DHX8: variants seen among roughly 807,000 people sequenced by gnomAD.
The protein encoded by DHX8 is ATP-dependent RNA helicase DHX8.
DHX8 carries 67 observed loss-of-function variants against 140.7 expected under a neutral mutation model. The ratio of observed to expected loss-of-function variants is 0.48; its 90% confidence interval spans 0.39 to 0.58. DHX8 has a LOEUF of 0.58. DHX8 is among the 20% of genes least tolerant of loss of function. The probability of loss-of-function intolerance (pLI) is 0.00; values close to 1 mark genes in which losing one functional copy is unlikely to be tolerated. For synonymous variants in DHX8, 533 were observed against 553.2 expected (o/e 0.96, Z 0.51); for missense variants, 887 against 1,550.7 (o/e 0.57, Z 7.19).
Position 43,524,253 on chromosome 17 carries a change from A to G in DHX8, c.*406A>G. On this transcript the variant is annotated 3_prime_UTR_variant, in exon 23 of 23. Transcript: ENST00000262415. ...ATCTAAAGTGTTTGCCCCACTTCCC[A>G]CCCCGTCTCCAGCCCCTGTACTTTG... 9.8e-7 allele frequency: 1 copy of G among 1,023,414 alleles called. No homozygotes were observed. 63.4% of individuals were successfully genotyped at this position (1,023,414 alleles called of 1,614,324 possible).
At chr17:43,529,634 G>A (rs141569304), downstream of DHX8, 125 of 1,613,886 alleles carry the variant, frequency 7.7e-5, no homozygotes, top group African/African-American at 8.5e-4. Context: ...CTGGTAGGGC[G>A]GCCCCTCTCG....
intron 8 of DHX8, among the ~76,000 whole-genome samples, 165 bp downstream of exon 8, chr17:43,494,051 A>G (rs554908541): frequency 6.6e-6 from 1 of 152,206 alleles, no homozygotes; most frequent in African/African-American, 2.4e-5. Flanking sequence ...TTTACTAAAG[A>G]AAGAGGTTTA....
At chr17:43,514,299 A>G (rs903872633) in intron 17 of DHX8, among the ~76,000 whole-genome samples, 12 of 152,158 alleles carry the variant, frequency 7.9e-5, no homozygotes, top group Admixed American at 7.2e-4. Context: ...GAGCTAAGAT[A>G]GCATCACTGC....
downstream of DHX8, chr17:43,529,925 G>A (rs780030889): frequency 1.2e-6 from 2 of 1,614,186 alleles, no homozygotes; most frequent in Non-Finnish European, 1.7e-6. Flanking sequence ...ATCTGGGAAT[G>A]GTCGCAGAGG....
At chr17:43,502,310 T>C (rs1969239585) in intron 11 of DHX8, among the ~76,000 whole-genome samples, 1 of 152,214 alleles carries the variant, frequency 6.6e-6, no homozygotes, top group Non-Finnish European at 1.5e-5. Flanking sequence ...CCCAACACTT[T>C]GGGAGGCCGA....
intron 8 of DHX8, among the ~76,000 whole-genome samples, chr17:43,494,720 CAAAAAA>C (rs572905119): frequency 1.7e-5 from 1 of 57,870 alleles, no homozygotes. Context: ...GACTCTGTCT[CAAAAAA>C]AAAAAAAAAA....
intron 16 of DHX8, 27 bp downstream of exon 16, chr17:43,508,547 A>G (rs1053465639): frequency 2.6e-6 from 4 of 1,528,432 alleles, no homozygotes; most frequent in South Asian, 1.2e-5. Flanking sequence ...TGAAGCTTCC[A>G]TGTGCCCTGA....
chr17:43,525,667 G>A lies in DHX8; in HGVS notation c.*1820G>A. 1 of 985,056 alleles carries A rather than the reference G, an allele frequency of 1.0e-6. No individual in the cohort carries two copies. Among genetic ancestry groups the A allele is most frequent in the Non-Finnish European group, 1.2e-6 (1 of 829,596 alleles). 61.0% of individuals were successfully genotyped at this position (985,056 alleles called of 1,614,324 possible). On this transcript the variant is annotated 3_prime_UTR_variant, in exon 23 of 23. Transcript: ENST00000262415. ...TTTGTTTTTGTTAAGACAGGATCTT[G>A]CCATCTTGCCTAGGCTGGCATCAAA...
chr17:43,529,764 G>T (rs778738233), downstream of DHX8: 689 of 1,591,460 alleles, frequency 4.3e-4, no homozygotes, highest in Non-Finnish European at 5.8e-4. Flanking sequence ...TCTCGAAGGG[G>T]TCTCCCCAGG....
chr17:43,506,064 C>T (rs975014248), intron 12 of DHX8, among the ~76,000 whole-genome samples: 1 of 151,792 alleles, frequency 6.6e-6, no homozygotes, highest in Non-Finnish European at 1.5e-5. Context: ...AGTACAGTGG[C>T]TTGATCTCAG....
chr17:43,534,015 C>T, intron 2 of DHX8: 2 of 1,484,174 alleles, frequency 1.3e-6, no homozygotes, highest in Non-Finnish European at 1.8e-6. Context: ...AGAGCAAGGC[C>T]AGAGCCTGTC....
At chr17:43,544,704 A>G (rs1971710917), downstream of DHX8, 1 of 340,604 alleles carries the variant, frequency 2.9e-6, no homozygotes, top group African/African-American at 2.1e-5. Context: ...TTCCATTCAA[A>G]TAAGCAAATA....
chr17:43,513,640 G>A, intron 17 of DHX8, 138 bp downstream of exon 17: 1 of 703,176 alleles, frequency 1.4e-6, no homozygotes, highest in Non-Finnish European at 2.1e-6. Flanking sequence ...CATGAGGGAA[G>A]GATTTTTTGT....
intron 2 of DHX8, chr17:43,533,023 T>C: frequency 6.6e-7 from 1 of 1,512,624 alleles, no homozygotes. Flanking sequence ...GCTTTTAGAG[T>C]GGGCTCCGGA....
chr17:43,492,942 C>T lies in DHX8; in HGVS notation c.765C>T (p.Asp255=). The part of the protein sequence containing the change: ...NLDRWRDKHV[D]RPPPEEPTIG... Reference sequence around the variant, plus strand: ...ATAGATGGCGGGATAAGCATGTGGACCGCCCTCCTCCAGAAGAGCCCACCA... The same window carrying T: ...ATAGATGGCGGGATAAGCATGTGGATCGCCCTCCTCCAGAAGAGCCCACCA... Residue 255 remains aspartate (D), a synonymous_variant, in exon 6 of 23, where the codon GAC becomes GAT. Transcript: ENST00000262415. The T allele has an allele frequency of 6.2e-7, 1 of 1,614,138 alleles. No homozygotes were observed. Among genetic ancestry groups the T allele is most frequent in the Non-Finnish European group, 8.5e-7 (1 of 1,180,026 alleles).
intron 12 of DHX8, among the ~76,000 whole-genome samples, chr17:43,506,149 C>T (rs1305974293): frequency 1.3e-5 from 2 of 151,846 alleles, no homozygotes; most frequent in East Asian, 2.0e-4. Context: ...GACTACAAGG[C>T]ATACACCATC....
chr17:43,526,432 T>C (rs1290222506), downstream of DHX8: 2 of 1,531,468 alleles, frequency 1.3e-6, no homozygotes, highest in African/African-American at 2.7e-5. Flanking sequence ...TGGGTCAGGC[T>C]CCTCGGTCCA....
chr17:43,532,101 C>T (rs1013016569), intron 2 of DHX8, among the ~76,000 whole-genome samples: 32 of 152,220 alleles, frequency 2.1e-4, no homozygotes, highest in African/African-American at 7.7e-4. Context: ...TGGGCTCAAA[C>T]GATCCTCCTG....
At chr17:43,535,652 C>A (rs534046219) in intron 2 of DHX8, among the ~76,000 whole-genome samples, 2 of 152,144 alleles carry the variant, frequency 1.3e-5, no homozygotes, top group Non-Finnish European at 2.9e-5. Context: ...TTGTAAGGAG[C>A]GGTCCTGAGC....
Sources: gnomAD v4.1 joint callset for allele counts (sites outside exome capture counted in the v4.1 genomes callset) on GRCh38, gnomAD v4.1.1 for gene constraint, MANE v1.5 for transcripts, NCBI Gene and HGNC (gene_info 2026-07-23, HGNC 2026-07-21) for gene names.